The following ENTHD1 variants were observed in gnomAD, a reference collection of about 807,000 sequenced individuals.
The protein encoded by ENTHD1 is ENTH domain containing 1.
In ENTHD1, 23 loss-of-function variants were observed where a neutral mutation model predicts 39.1. That is an observed-to-expected ratio of 0.59 (90% CI 0.42 to 0.83). The LOEUF (loss-of-function observed/expected upper bound fraction) is 0.83, where lower values mean the gene tolerates loss of function less well. Ranked by LOEUF, ENTHD1 falls within the 40% of genes least tolerant of loss-of-function variation. The probability of loss-of-function intolerance (pLI) is 0.00; values close to 1 mark genes in which losing one functional copy is unlikely to be tolerated. For missense variants in ENTHD1, 624 were observed against 705.4 expected (o/e 0.88, Z 1.31); for synonymous variants, 230 against 258.2 (o/e 0.89, Z 1.05).
chr22:39,872,045 T>C (rs988614031), intron 2 of ENTHD1, among the ~76,000 whole-genome samples: 7 of 152,226 alleles, frequency 4.6e-5, no homozygotes, highest in Non-Finnish European at 8.8e-5. Flanking sequence ...CACCATCATA[T>C]ATTAGGTGGG....
At chr22:39,884,365 A>AGAT (rs2066364090) in intron 2 of ENTHD1, among the ~76,000 whole-genome samples, 1 of 152,074 alleles carries the variant, frequency 6.6e-6, no homozygotes, top group Non-Finnish European at 1.5e-5. Flanking sequence ...TTTTTAGTAA[A>AGAT]GATGGGGTTT....
At chr22:39,849,745 C>T (rs2066020263) in intron 3 of ENTHD1, among the ~76,000 whole-genome samples, 1 of 152,058 alleles carries the variant, frequency 6.6e-6, no homozygotes, top group African/African-American at 2.4e-5. Context: ...ATGTTATAGC[C>T]AGCCATCTTT....
chr22:39,887,538 C>A lies in ENTHD1; in HGVS notation c.211G>T (p.Val71Leu). 1 of 1,614,184 alleles carries A rather than the reference C, an allele frequency of 6.2e-7. No homozygotes were observed. The highest frequency in any genetic ancestry group is 1.1e-5 in the South Asian group (1 of 91,090). ...LNDHGKNWRHVYKSLTLMDYL... is the reference protein window; with the variant it reads ...LNDHGKNWRHLYKSLTLMDYL... ...TCCATTAGGGTAAGGGATTTATACACGTGGCGCCAGTTCTTCCCATGGTCA... is the reference window on the plus strand; with the variant it reads ...TCCATTAGGGTAAGGGATTTATACAAGTGGCGCCAGTTCTTCCCATGGTCA... The change falls in exon 2 of 7, where the codon GTG becomes TTG. Residue 71 changes from valine to leucine, a missense_variant. Transcript: ENST00000325157.
intron 6 of ENTHD1, among the ~76,000 whole-genome samples, chr22:39,764,983 T>A (rs1325277197): frequency 1.3e-5 from 2 of 152,134 alleles, no homozygotes; most frequent in Non-Finnish European, 2.9e-5. Context: ...AGATCTTATA[T>A]TCAACCAAGG....
At chr22:39,756,287 GTC>G (rs769318998) in intron 6 of ENTHD1, among the ~76,000 whole-genome samples, 10,501 of 143,438 alleles carry the variant, frequency 0.073, 389 homozygotes, top group Middle Eastern at 0.1. Flanking sequence ...CAATGTCTCT[GTC>G]TCTCTCTCTC....
intron 5 of ENTHD1, among the ~76,000 whole-genome samples, chr22:39,784,673 C>T (rs2065440409): frequency 6.6e-6 from 1 of 151,896 alleles, no homozygotes; most frequent in South Asian, 2.1e-4. Context: ...TCAAATAAGC[C>T]AGGCACAGAA....
At chr22:39,873,564 A>G (rs1489851732) in intron 2 of ENTHD1, among the ~76,000 whole-genome samples, 1 of 152,218 alleles carries the variant, frequency 6.6e-6, no homozygotes, top group African/African-American at 2.4e-5. Context: ...TTGGATATGT[A>G]ACCTTACCTA....
chr22:39,812,503 G>A (rs2065696738), intron 5 of ENTHD1, among the ~76,000 whole-genome samples: 1 of 152,238 alleles, frequency 6.6e-6, no homozygotes, highest in Admixed American at 6.5e-5. Flanking sequence ...GACGTTCACT[G>A]TGGAAGAGGT....
intron 5 of ENTHD1, among the ~76,000 whole-genome samples, chr22:39,769,885 T>C (rs2065308225): frequency 6.6e-6 from 1 of 152,112 alleles, no homozygotes; most frequent in Admixed American, 6.5e-5. Flanking sequence ...CCTAAATGCC[T>C]GTAGAGGGGA....
At chr22:39,892,515 A>T (rs1468063402) in intron 1 of ENTHD1, among the ~76,000 whole-genome samples, 1 of 152,246 alleles carries the variant, frequency 6.6e-6, no homozygotes, top group Admixed American at 6.5e-5. Flanking sequence ...CTGCAATAAA[A>T]ACATGTAAAT....
intron 2 of ENTHD1, among the ~76,000 whole-genome samples, chr22:39,882,338 G>A (rs1206606487): frequency 6.6e-6 from 1 of 152,130 alleles, no homozygotes; most frequent in Non-Finnish European, 1.5e-5. Context: ...GAGGGAAAAA[G>A]GATTCTGAGC....
At chr22:39,797,971 A>C (rs777096053) in intron 5 of ENTHD1, among the ~76,000 whole-genome samples, 10 of 152,132 alleles carry the variant, frequency 6.6e-5, no homozygotes, top group Non-Finnish European at 1.3e-4. Flanking sequence ...TGGATGTCTA[A>C]ATCTCTTAAT....
At chr22:39,884,386 G>A (rs906566383) in intron 2 of ENTHD1, among the ~76,000 whole-genome samples, 1 of 151,914 alleles carries the variant, frequency 6.6e-6, no homozygotes, top group Non-Finnish European at 1.5e-5. Context: ...CACCATGTTG[G>A]CCAGGCTGGT....
chr22:39,880,890 T>C (rs1387013001), intron 2 of ENTHD1, among the ~76,000 whole-genome samples: 1 of 152,200 alleles, frequency 6.6e-6, no homozygotes, highest in Non-Finnish European at 1.5e-5. Context: ...CTGTAGTTGT[T>C]GAGAACATGT....
intron 5 of ENTHD1, among the ~76,000 whole-genome samples, chr22:39,797,633 G>A (rs1353483519): frequency 6.6e-6 from 1 of 152,104 alleles, no homozygotes; most frequent in African/African-American, 2.4e-5. Flanking sequence ...TGGTCTAGTG[G>A]TGATGAATTC....
intron 2 of ENTHD1, among the ~76,000 whole-genome samples, chr22:39,878,136 G>A (rs1284877230): frequency 2.0e-5 from 3 of 152,158 alleles, no homozygotes; most frequent in Admixed American, 6.5e-5. Context: ...AAATGCTAGC[G>A]ATCAAAAATA....
At chr22:39,805,821 A>T (rs923076524) in intron 5 of ENTHD1, among the ~76,000 whole-genome samples, 2 of 152,156 alleles carry the variant, frequency 1.3e-5, no homozygotes, top group South Asian at 4.1e-4. Flanking sequence ...TTTTTTTTGA[A>T]TTACAGACAT....
chr22:39,844,095 T>C (rs1288431496), intron 3 of ENTHD1, among the ~76,000 whole-genome samples: 4 of 152,172 alleles, frequency 2.6e-5, no homozygotes, highest in Non-Finnish European at 5.9e-5. Flanking sequence ...ACTGTACATC[T>C]TTCTTGGTAG....
chr22:39,749,844 AG>A (rs1345140886), intron 6 of ENTHD1, among the ~76,000 whole-genome samples: 1 of 152,200 alleles, frequency 6.6e-6, no homozygotes, highest in Non-Finnish European at 1.5e-5. Flanking sequence ...GAAGGGTTCC[AG>A]GGCTGGGCAC....
Sources: allele counts gnomAD v4.1 joint callset (sites outside exome capture counted in the v4.1 genomes callset), GRCh38; gene constraint gnomAD v4.1.1; transcripts MANE v1.5; gene names NCBI Gene and HGNC (gene_info 2026-07-23, HGNC 2026-07-21).